Variants in MAL observed in about 807,000 individuals in gnomAD.
MAL encodes the protein myelin and lymphocyte protein.
MAL carries 5 observed loss-of-function variants against 16.7 expected under a neutral mutation model. The observed-to-expected ratio is 0.30, with a 90% CI of 0.16 to 0.63. The LOEUF (loss-of-function observed/expected upper bound fraction) is 0.63, where lower values mean the gene tolerates loss of function less well. Ranked by LOEUF, MAL falls within the 30% of genes least tolerant of loss-of-function variation. MAL has a pLI of 0.82. For missense variants in MAL, 202 were observed against 195.8 expected, an observed-to-expected ratio of 1.03 and a Z score of -0.19; for synonymous variants, 96 against 85.5, an observed-to-expected ratio of 1.12 and a Z score of -0.67.
chr2:95,039,949 G>A (rs566774562), intron 1 of MAL, among the ~76,000 whole-genome samples: 29 of 152,224 alleles, frequency 1.9e-4, no homozygotes, highest in South Asian at 8.3e-4. Context: ...AGGACTTTGC[G>A]GAAGCCTTCA....
intron 1 of MAL, among the ~76,000 whole-genome samples, chr2:95,028,214 T>G (rs1247981235): frequency 7.0e-6 from 1 of 141,918 alleles, no homozygotes; most frequent in East Asian, 2.3e-4. Flanking sequence ...TCCCAGCTAC[T>G]CAGCAGGCTA....
Position 95,049,571 on chromosome 2 carries a change from T to C in MAL, c.262-10T>C, listed in dbSNP as rs781097048. On this transcript the variant is annotated splice_polypyrimidine_tract_variant and intron_variant, in intron 2 of 3. Transcript: ENST00000309988. ...CTCCCCATCCCTCTGACACCCCGTC[T>C]GCCCCATAGGACGCAGCCTACCACT... 2 of 1,614,130 alleles carry C rather than the reference T, an allele frequency of 1.2e-6. No homozygotes were observed. The highest frequency in any genetic ancestry group is 1.7e-6 in the Non-Finnish European group (2 of 1,179,980).
At chr2:95,027,358 T>A (rs1207309052) in intron 1 of MAL, among the ~76,000 whole-genome samples, 1 of 152,132 alleles carries the variant, frequency 6.6e-6, no homozygotes, top group Non-Finnish European at 1.5e-5. Flanking sequence ...CAGCGTGGCT[T>A]TGTGGCCTGC....
At chr2:95,040,599 G>C (rs1674437618) in intron 1 of MAL, among the ~76,000 whole-genome samples, 1 of 152,164 alleles carries the variant, frequency 6.6e-6, no homozygotes, top group Non-Finnish European at 1.5e-5. Flanking sequence ...ACCCTTGGCT[G>C]CTAAGACGAC....
chr2:95,047,255 A>C (rs1674612153), intron 1 of MAL, among the ~76,000 whole-genome samples: 1 of 152,228 alleles, frequency 6.6e-6, no homozygotes. Flanking sequence ...CAGAATGATG[A>C]ATTACTTAAC....
Position 95,038,002 on chromosome 2 carries a change from G to A in MAL, c.94-9957G>A, listed in dbSNP as rs555822493. ...TGACTGAGTGAGTGACTGAGTGGAT[G>A]AGTGAGTGACTGAGTGACTGTGTGA... On this transcript the variant is annotated intron_variant, in intron 1 of 3. Transcript: ENST00000309988. 2.9e-3 allele frequency among the ~76,000 whole-genome samples: 447 copies of A among 151,714 alleles called. 1 individual carries two copies. Among genetic ancestry groups the A allele is most frequent in the Non-Finnish European group, 4.2e-3 (284 of 67,862 alleles).
rs879586159 is a variant in MAL at position 95,038,330 on chromosome 2, G to GACTGAGTGAGTGAGTA, written c.94-9613_94-9598dup. Among the ~76,000 whole-genome samples, 27 of 151,922 alleles carry GACTGAGTGAGTGAGTA rather than the reference G, an allele frequency of 1.8e-4. No individual in the cohort carries two copies. The East Asian group carries it at 5.1e-3, about 28-fold the overall frequency. Reference sequence around the variant, plus strand: ...TGAGTGAGTGACTGAGTGAGTGAGTGACTGAGTGAGTGAGTAACTGAGTGA... The same window carrying GACTGAGTGAGTGAGTA: ...TGAGTGAGTGACTGAGTGAGTGAGTGACTGAGTGAGTGAGTAACTGAGTGAGTGAGTAACTGAGTGA... On this transcript the variant is annotated intron_variant, in intron 1 of 3. Transcript: ENST00000309988.
intron 1 of MAL, among the ~76,000 whole-genome samples, chr2:95,029,659 T>C (rs1674029052): frequency 6.6e-6 from 1 of 152,200 alleles, no homozygotes; most frequent in South Asian, 2.1e-4. Context: ...TTCCCAGGTG[T>C]TATCACATTG....
chr2:95,033,003 C>T (rs771358278), intron 1 of MAL, among the ~76,000 whole-genome samples: 2 of 152,228 alleles, frequency 1.3e-5, no homozygotes, highest in Non-Finnish European at 2.9e-5. Context: ...AGAGAAGGTG[C>T]AGGGTCGCAC....
chr2:95,038,428 C>G (rs1236883458), intron 1 of MAL, among the ~76,000 whole-genome samples: 16 of 112,530 alleles, frequency 1.4e-4, no homozygotes, highest in South Asian at 3.0e-4. Flanking sequence ...GAATGAGTGA[C>G]TGAGTGACTG....
At chr2:95,037,844 CTGAG>C (rs1674282735) in intron 1 of MAL, among the ~76,000 whole-genome samples, 28 of 104,832 alleles carry the variant, frequency 2.7e-4, no homozygotes, top group East Asian at 8.6e-4. Context: ...GACTGAGTGA[CTGAG>C]TGTGTGAGTG....
At chr2:95,034,745 C>G (rs1437172418) in intron 1 of MAL, among the ~76,000 whole-genome samples, 1 of 152,140 alleles carries the variant, frequency 6.6e-6, no homozygotes, top group African/African-American at 2.4e-5. Context: ...CCTCCTTCAT[C>G]TCCATCTGTG....
At chr2:95,039,307 G>GGTGAGTGAGTGAGTGAGTGAGTGAGTGA (rs796660834) in intron 1 of MAL, among the ~76,000 whole-genome samples, 1 of 66,564 alleles carries the variant, frequency 1.5e-5, no homozygotes, top group African/African-American at 6.0e-5. Context: ...TGACTGAGTG[G>GGTGAGTGAGTGAGTGAGTGAGTGAGTGA]GTGAGTGAGT....
At chr2:95,034,378 C>T (rs1674156914) in intron 1 of MAL, among the ~76,000 whole-genome samples, 1 of 152,234 alleles carries the variant, frequency 6.6e-6, no homozygotes, top group South Asian at 2.1e-4. Flanking sequence ...AGGCTGCTTT[C>T]TAAGCCTCTC....
At chr2:95,038,725 T>G (rs1191446786) in intron 1 of MAL, among the ~76,000 whole-genome samples, 1 of 150,194 alleles carries the variant, frequency 6.7e-6, no homozygotes, top group Non-Finnish European at 1.5e-5. Context: ...ACTGACTGAG[T>G]AAGAGACTGA....
At chr2:95,047,738 G>T (rs1408289030) in intron 1 of MAL, among the ~76,000 whole-genome samples, 6 of 152,162 alleles carry the variant, frequency 3.9e-5, no homozygotes, top group Admixed American at 2.0e-4. Context: ...GTTTTAAAAA[G>T]TTAATCAGGG....
At chr2:95,028,280 G>C (rs541311490) in intron 1 of MAL, among the ~76,000 whole-genome samples, 6 of 151,798 alleles carry the variant, frequency 4.0e-5, no homozygotes, top group Non-Finnish European at 7.4e-5. Context: ...CCGAGATCAT[G>C]CCGCTGCACT....
At chr2:95,032,162 C>T (rs1278365210) in intron 1 of MAL, among the ~76,000 whole-genome samples, 1 of 152,278 alleles carries the variant, frequency 6.6e-6, no homozygotes, top group Non-Finnish European at 1.5e-5. Flanking sequence ...CACGATGCTG[C>T]TGCCAGCAGC....
chr2:95,035,149 C>T (rs1341937502), intron 1 of MAL, among the ~76,000 whole-genome samples: 1 of 152,168 alleles, frequency 6.6e-6, no homozygotes, highest in Non-Finnish European at 1.5e-5. Context: ...AGACCCTGGG[C>T]GGGCAGCCTT....
Sources: gnomAD v4.1 joint callset for allele counts (sites outside exome capture counted in the v4.1 genomes callset) on GRCh38, gnomAD v4.1.1 for gene constraint, MANE v1.5 for transcripts, NCBI Gene and HGNC (gene_info 2026-07-23, HGNC 2026-07-21) for gene names.